Variants in KAZN observed in about 807,000 individuals in gnomAD.
The protein encoded by KAZN is kazrin.
KAZN carries 40 observed loss-of-function variants against 87.4 expected under a neutral mutation model. The observed-to-expected ratio is 0.46, with a 90% CI of 0.36 to 0.60. The LOEUF (loss-of-function observed/expected upper bound fraction) is 0.60. KAZN is among the 20% of genes least tolerant of loss of function. KAZN has a pLI of 0.00. For missense variants in KAZN, 898 were observed against 1,073.9 expected, an observed-to-expected ratio of 0.84 and a Z score of 2.29; for synonymous variants, 466 against 458.3, an observed-to-expected ratio of 1.02 and a Z score of -0.22.
At chr1:15,084,529 G>C (rs566475131) in intron 8 of KAZN, among the ~76,000 whole-genome samples, 5 of 152,350 alleles carry the variant, frequency 3.3e-5, no homozygotes, top group African/African-American at 1.2e-4. Flanking sequence ...CACCAGAACA[G>C]GAGCAGTGAG....
intron 2 of KAZN, among the ~76,000 whole-genome samples, chr1:14,971,026 G>A (rs1262641799): frequency 6.6e-6 from 1 of 152,176 alleles, no homozygotes; most frequent in Non-Finnish European, 1.5e-5. Flanking sequence ...TGAGTCATCA[G>A]TCCTCCCAAC....
chr1:14,001,570 A>G (rs1208058327), intron 1 of KAZN, among the ~76,000 whole-genome samples: 2 of 152,216 alleles, frequency 1.3e-5, no homozygotes, highest in East Asian at 3.8e-4. Flanking sequence ...AAAAGAACAA[A>G]GCTTGAGGCA....
chr1:14,286,898 A>G (rs1429736843), intron 2 of KAZN, among the ~76,000 whole-genome samples: 1 of 152,174 alleles, frequency 6.6e-6, no homozygotes, highest in Admixed American at 6.5e-5. Flanking sequence ...ATTTATGTAA[A>G]CTGTGCTAAT....
intron 2 of KAZN, among the ~76,000 whole-genome samples, chr1:14,502,036 G>A (rs1310013627): frequency 6.6e-6 from 1 of 152,150 alleles, no homozygotes; most frequent in Non-Finnish European, 1.5e-5. Flanking sequence ...AAATTAGTTA[G>A]TGGTGATGGT....
intron 1 of KAZN, among the ~76,000 whole-genome samples, chr1:14,676,916 T>C (rs1640255745): frequency 6.6e-6 from 1 of 152,170 alleles, no homozygotes; most frequent in Admixed American, 6.5e-5. Flanking sequence ...TAAAAACCAC[T>C]GAATTGTATA....
chr1:14,408,739 G>A (rs1275302764), intron 2 of KAZN, among the ~76,000 whole-genome samples: 1 of 152,094 alleles, frequency 6.6e-6, no homozygotes, highest in African/African-American at 2.4e-5. Context: ...ATATGAATTT[G>A]GGGGGAGAAA....
Position 14,266,994 on chromosome 1 carries a change from G to A in KAZN, c.249+86402G>A, listed in dbSNP as rs1197409547. Among the ~76,000 whole-genome samples, 8 of 150,948 alleles carry A rather than the reference G, an allele frequency of 5.3e-5. 1 individual carries two copies. The highest frequency in any genetic ancestry group is 1.2e-4 in the African/African-American group (5 of 40,964). The stretch of plus-strand genomic sequence containing the variant: ...GTTGGTGTGCTGCACCCATTAACTC[G>A]TCATTTAGCATTAGGTATATTTCTT... On this transcript the variant is annotated intron_variant, in intron 2 of 16. Coordinates refer to the KAZN transcript ENST00000636203.
At chr1:14,266,739 G>C (rs1332981737) in intron 2 of KAZN, among the ~76,000 whole-genome samples, 1 of 152,204 alleles carries the variant, frequency 6.6e-6, no homozygotes, top group Non-Finnish European at 1.5e-5. Flanking sequence ...CTGGGACGTA[G>C]ACATGCCAAT....
chr1:14,079,759 GAA>G (rs1389215498), intron 1 of KAZN, among the ~76,000 whole-genome samples: 5 of 152,170 alleles, frequency 3.3e-5, no homozygotes, highest in African/African-American at 4.8e-5. Context: ...GAGCAAATGG[GAA>G]AAGAGTTAAA....
rs551454375 is a variant in KAZN at position 14,683,081 on chromosome 1, G to A, written c.226+83858G>A. Among the ~76,000 whole-genome samples the A allele has an allele frequency of 1.3e-5, 2 of 152,176 alleles. 1 individual carries two copies. Among genetic ancestry groups the A allele is most frequent in the South Asian group, 4.1e-4 (2 of 4,834 alleles). ...AGTTCCCTATCAGATATGAGAGGAGGCGCCTGCTGACAGCGTGATGGGATG... is the reference window on the plus strand; with the variant it reads ...AGTTCCCTATCAGATATGAGAGGAGACGCCTGCTGACAGCGTGATGGGATG... On this transcript the variant is annotated intron_variant, in intron 1 of 14. Coordinates refer to ENST00000376030, the MANE Select transcript of KAZN (RefSeq NM_201628.3).
At chr1:14,927,869 T>C (rs572897142) in intron 1 of KAZN, among the ~76,000 whole-genome samples, 84 of 152,330 alleles carry the variant, frequency 5.5e-4, no homozygotes, top group African/African-American at 1.9e-3. Context: ...TTGAGGGGAC[T>C]GGGGCGCTTG....
intron 1 of KAZN, among the ~76,000 whole-genome samples, chr1:14,770,232 T>C (rs1644986529): frequency 6.6e-6 from 1 of 152,158 alleles, no homozygotes; most frequent in African/African-American, 2.4e-5. Context: ...ATGATTTGCA[T>C]CCTAAAAGAT....
intron 1 of KAZN, among the ~76,000 whole-genome samples, chr1:14,940,898 CTTTTTTTTT>C (rs66777443): frequency 7.4e-5 from 4 of 54,404 alleles, no homozygotes; most frequent in African/African-American, 1.7e-4. Context: ...TTCTACCTTT[CTTTTTTTTT>C]TTTTTTTTTT....
chr1:15,059,896 G>A (rs568724977), intron 5 of KAZN, among the ~76,000 whole-genome samples: 85 of 152,272 alleles, frequency 5.6e-4, no homozygotes, highest in African/African-American at 1.5e-3. Context: ...TTTGGAATGA[G>A]AAGACTTGAA....
chr1:14,454,659 ACCT>A (rs1265571287), intron 2 of KAZN, among the ~76,000 whole-genome samples: 3 of 152,164 alleles, frequency 2.0e-5, no homozygotes, highest in Non-Finnish European at 2.9e-5. Context: ...AATTCTACTG[ACCT>A]TGGGGCATAT....
At chr1:14,091,199 A>G (rs1217384107) in intron 1 of KAZN, among the ~76,000 whole-genome samples, 1 of 152,006 alleles carries the variant, frequency 6.6e-6, no homozygotes, top group Non-Finnish European at 1.5e-5. Context: ...TTGCCATGCA[A>G]ACCTCAGCCA....
intron 1 of KAZN, chr1:14,924,123 G>C: frequency 1.0e-6 from 1 of 982,530 alleles, no homozygotes; most frequent in South Asian, 4.6e-5. Context: ...GGAGCCGCGG[G>C]ACTGAGAGCC....
chr1:13,962,034 T>C (rs1641772419), intron 1 of KAZN, among the ~76,000 whole-genome samples: 1 of 152,176 alleles, frequency 6.6e-6, no homozygotes, highest in South Asian at 2.1e-4. Context: ...GCATAGATCC[T>C]AGGTGCTTCT....
intron 2 of KAZN, among the ~76,000 whole-genome samples, chr1:14,495,199 T>A (rs1290830293): frequency 6.6e-6 from 1 of 152,226 alleles, no homozygotes; most frequent in Non-Finnish European, 1.5e-5. Flanking sequence ...ATTATTCTTT[T>A]AATGGATTTC....
Sources: allele counts gnomAD v4.1 joint callset (sites outside exome capture counted in the v4.1 genomes callset), GRCh38; gene constraint gnomAD v4.1.1; transcripts MANE v1.5; gene names NCBI Gene and HGNC (gene_info 2026-07-23, HGNC 2026-07-21).